The following NKAIN1 variants were observed in gnomAD, a reference collection of about 807,000 sequenced individuals.
NKAIN1 encodes sodium/potassium-transporting ATPase subunit beta-1-interacting protein 1.
In NKAIN1, 13 loss-of-function variants were observed where a neutral mutation model predicts 31.6. The observed-to-expected ratio is 0.41, with a 90% CI of 0.27 to 0.65. The LOEUF (loss-of-function observed/expected upper bound fraction) is 0.65, where lower values mean the gene tolerates loss of function less well. Ranked by LOEUF, NKAIN1 falls within the 30% of genes least tolerant of loss-of-function variation. NKAIN1 has a pLI of 0.30. For missense variants in NKAIN1, 193 were observed against 262.2 expected (o/e 0.74, Z 1.82); for synonymous variants, 104 against 109.0 (o/e 0.95, Z 0.28).
intron 1 of NKAIN1, among the ~76,000 whole-genome samples, chr1:31,194,196 C>G (rs551318658): frequency 1.4e-4 from 22 of 152,256 alleles, no homozygotes; most frequent in African/African-American, 5.3e-4. Flanking sequence ...AATGAGCCCC[C>G]TGACTGTAAT....
At chr1:31,237,413 C>T (rs566630440) in intron 1 of NKAIN1, among the ~76,000 whole-genome samples, 23 of 152,244 alleles carry the variant, frequency 1.5e-4, no homozygotes, top group African/African-American at 5.3e-4. Context: ...CCAAAGCTAA[C>T]CGTTATTATC....
chr1:31,200,458 C>CTTTTTT (rs3081712), intron 1 of NKAIN1, among the ~76,000 whole-genome samples: 6 of 121,874 alleles, frequency 4.9e-5, no homozygotes, highest in African/African-American at 1.9e-4. Flanking sequence ...TCTCCTCTCT[C>CTTTTTT]TTTTTTTTTT....
At chr1:31,204,015 G>T (rs998940148) in intron 1 of NKAIN1, among the ~76,000 whole-genome samples, 4 of 152,178 alleles carry the variant, frequency 2.6e-5, no homozygotes, top group Non-Finnish European at 5.9e-5. Flanking sequence ...CTGTCCCAGT[G>T]TGCCTGAGAC....
At chr1:31,201,984 C>T (rs561924256) in intron 1 of NKAIN1, among the ~76,000 whole-genome samples, 1 of 152,230 alleles carries the variant, frequency 6.6e-6, no homozygotes, top group Non-Finnish European at 1.5e-5. Flanking sequence ...GCGGCCCAGC[C>T]CTCTACCTCC....
intron 2 of NKAIN1, among the ~76,000 whole-genome samples, chr1:31,187,456 C>A (rs1178924933): frequency 1.3e-5 from 2 of 152,140 alleles, no homozygotes; most frequent in Non-Finnish European, 2.9e-5. Flanking sequence ...ACACTAGCTG[C>A]TCCAGAACAC....
At chr1:31,234,308 G>A (rs1645679193) in intron 1 of NKAIN1, among the ~76,000 whole-genome samples, 1 of 152,204 alleles carries the variant, frequency 6.6e-6, no homozygotes, top group South Asian at 2.1e-4. Context: ...GCTTGCAGCT[G>A]CAGCTGCTCC....
intron 1 of NKAIN1, among the ~76,000 whole-genome samples, chr1:31,223,375 C>CAAAA (rs746638007): frequency 4.7e-5 from 5 of 106,628 alleles, no homozygotes; most frequent in Non-Finnish European, 5.8e-5. Context: ...GACTCCATCT[C>CAAAA]AAAAAAAAAA....
At chr1:31,184,331 C>G (rs190835454) in intron 3 of NKAIN1, among the ~76,000 whole-genome samples, 138 of 152,232 alleles carry the variant, frequency 9.1e-4, no homozygotes, top group African/African-American at 3.0e-3. Flanking sequence ...CACTGCTCCC[C>G]CTGTGTGCGA....
At chr1:31,192,819 G>T (rs1349569943) in intron 1 of NKAIN1, among the ~76,000 whole-genome samples, 2 of 152,018 alleles carry the variant, frequency 1.3e-5, no homozygotes, top group Non-Finnish European at 2.9e-5. Flanking sequence ...CTCCCAAAGT[G>T]CTGGGATTAC....
At chr1:31,237,271 C>A (rs1322600779) in intron 1 of NKAIN1, among the ~76,000 whole-genome samples, 1 of 152,072 alleles carries the variant, frequency 6.6e-6, no homozygotes, top group Non-Finnish European at 1.5e-5. Context: ...AAAAACAAAA[C>A]CCCCAAAACA....
At chr1:31,195,456 C>A (rs976767985) in intron 1 of NKAIN1, among the ~76,000 whole-genome samples, 1 of 152,090 alleles carries the variant, frequency 6.6e-6, no homozygotes, top group Non-Finnish European at 1.5e-5. Context: ...CCCTGCCCTG[C>A]CCTGCCGCCG....
intron 1 of NKAIN1, among the ~76,000 whole-genome samples, chr1:31,193,354 C>T (rs1645300784): frequency 6.6e-6 from 1 of 151,954 alleles, no homozygotes. Flanking sequence ...AGGCGTGAGC[C>T]ACCGCGCCCG....
chr1:31,209,689 T>C (rs1645452344), intron 1 of NKAIN1, among the ~76,000 whole-genome samples: 1 of 151,628 alleles, frequency 6.6e-6, no homozygotes, highest in Non-Finnish European at 1.5e-5. Context: ...TAGTGGTGTA[T>C]GCCTGTAGTC....
At chr1:31,212,869 C>T (rs1303361724) in intron 1 of NKAIN1, among the ~76,000 whole-genome samples, 2 of 151,838 alleles carry the variant, frequency 1.3e-5, no homozygotes, top group Admixed American at 6.6e-5. Flanking sequence ...TGGTGGCAGG[C>T]GCCTGTAATC....
intron 1 of NKAIN1, among the ~76,000 whole-genome samples, chr1:31,201,823 G>A (rs1645382251): frequency 6.6e-6 from 1 of 152,224 alleles, no homozygotes; most frequent in Admixed American, 6.5e-5. Context: ...CGCCCAGCCT[G>A]TTTGCATGCC....
intron 1 of NKAIN1, among the ~76,000 whole-genome samples, chr1:31,216,692 T>TTATC (rs552756649): frequency 0.027 from 3,921 of 144,588 alleles, 189 homozygotes; most frequent in East Asian, 0.13. Context: ...GCATTGACTT[T>TTATC]TATTTATTTA....
intron 1 of NKAIN1, among the ~76,000 whole-genome samples, chr1:31,208,173 C>G (rs1261119575): frequency 6.6e-6 from 1 of 152,196 alleles, no homozygotes; most frequent in Non-Finnish European, 1.5e-5. Context: ...CGTGTGACCT[C>G]TGGCAAGTGT....
Position 31,214,674 on chromosome 1 carries a change from G to A in NKAIN1, c.54+24820C>T, listed in dbSNP as rs531586442. On this transcript the variant is annotated intron_variant, in intron 1 of 6. Coordinates refer to ENST00000373736, the MANE Select transcript of NKAIN1 (RefSeq NM_024522.3). Reference sequence around the variant, plus strand: ...CAAGAGCTATGATGAGAGTGGTCAAGGAAGACTTCTGCGAGGAAGTGATCT... The same window carrying A: ...CAAGAGCTATGATGAGAGTGGTCAAAGAAGACTTCTGCGAGGAAGTGATCT... Among the ~76,000 whole-genome samples the A allele has an allele frequency of 2.6e-5, 4 of 152,324 alleles. No homozygotes were observed. The South Asian group carries it at 6.2e-4, about 24-fold the overall frequency.
chr1:31,206,313 C>G (rs1468539008), intron 1 of NKAIN1, among the ~76,000 whole-genome samples: 1 of 149,356 alleles, frequency 6.7e-6, no homozygotes, highest in African/African-American at 2.4e-5. Context: ...AAAAAAGAAG[C>G]CAATAAAGCC....
Sources: allele counts gnomAD v4.1 joint callset (sites outside exome capture counted in the v4.1 genomes callset), GRCh38; gene constraint gnomAD v4.1.1; transcripts MANE v1.5; gene names NCBI Gene and HGNC (gene_info 2026-07-23, HGNC 2026-07-21).